WDR11: variants seen among roughly 807,000 people sequenced by gnomAD.
WDR11 encodes WD repeat domain 11, also known as WD repeat-containing protein 11.
WDR11 carries 83 observed loss-of-function variants against 151.2 expected under a neutral mutation model. The observed-to-expected ratio is 0.55, with a 90% CI of 0.46 to 0.66. WDR11 has a LOEUF of 0.66. WDR11 is among the 30% of genes least tolerant of loss of function. WDR11 has a pLI of 0.00. For missense variants in WDR11, 1,301 were observed against 1,480.9 expected (o/e 0.88, Z 1.99); for synonymous variants, 484 against 533.1 (o/e 0.91, Z 1.27).
At chr10:120,882,390 C>A (rs1436731040) in intron 13 of WDR11, among the ~76,000 whole-genome samples, 2 of 151,630 alleles carry the variant, frequency 1.3e-5, no homozygotes, top group East Asian at 3.8e-4. Flanking sequence ...ACTGACCTTG[C>A]AGAACGTGTT....
intron 2 of WDR11, among the ~76,000 whole-genome samples, chr10:120,856,703 C>T (rs1845960196): frequency 6.6e-6 from 1 of 151,206 alleles, no homozygotes; most frequent in Non-Finnish European, 1.5e-5. Flanking sequence ...TTTCCTTAAC[C>T]TTGGTTTTCA....
At chr10:120,876,362 T>G (rs1370042146) in intron 11 of WDR11, among the ~76,000 whole-genome samples, 1 of 152,152 alleles carries the variant, frequency 6.6e-6, no homozygotes, top group African/African-American at 2.4e-5. Flanking sequence ...TTCAAGTGCA[T>G]TGTTGTGTGG....
Position 120,904,076 on chromosome 10 carries a change from G to A in WDR11, c.2961G>A (p.Gln987=). The change falls in exon 24 of 29, where the codon CAG becomes CAA. Residue 987 remains glutamine (Q), a synonymous_variant. Transcript: ENST00000263461. ...QKFQLERVNL[Q]EVKRSTYDHT... is the part of the protein sequence containing the mutation. The stretch of plus-strand genomic sequence containing the variant: ...TTCAGCTAGAAAGGGTTAATCTGCA[G>A]GAAGTGAAACGGTCAACTTATGATC... 6.2e-7 allele frequency: 1 copy of A among 1,613,362 alleles called. No individual in the cohort carries two copies. Among genetic ancestry groups the A allele is most frequent in the Non-Finnish European group, 8.5e-7 (1 of 1,179,570 alleles).
chr10:120,894,097 A>G (rs4752473), intron 19 of WDR11, among the ~76,000 whole-genome samples: 55,195 of 150,152 alleles, frequency 0.37, 10,068 homozygotes, highest in Admixed American at 0.43. Context: ...GCCCATGCCT[A>G]TGTCCTGAAT....
chr10:120,900,389 T>C (rs1847771915), intron 20 of WDR11, among the ~76,000 whole-genome samples: 1 of 152,092 alleles, frequency 6.6e-6, no homozygotes, highest in South Asian at 2.1e-4. Context: ...GGTCTGAACA[T>C]GGATGTGTCG....
Position 120,860,197 on chromosome 10 carries a change from C to T in WDR11, c.441C>T (p.Asp147=). The T allele has an allele frequency of 6.2e-7, 1 of 1,614,188 alleles. No individual in the cohort carries two copies. Among genetic ancestry groups the T allele is most frequent in the Non-Finnish European group, 8.5e-7 (1 of 1,180,040 alleles). ...ATTACATTGTGCTCTGGAATGCCGA[C>T]ACTGGCACCAAACTATGGAAGAAGA... is the stretch of plus-strand genomic sequence containing the variant. ...PPNYIVLWNA[D]TGTKLWKKSY... Residue 147 remains aspartate (D), a synonymous_variant, in exon 4 of 29, where the codon GAC becomes GAT. Transcript: ENST00000263461.
intron 2 of WDR11, 30 bp downstream of exon 2, chr10:120,852,665 T>A: frequency 1.3e-5 from 21 of 1,571,814 alleles, no homozygotes; most frequent in Non-Finnish European, 1.8e-5. Context: ...GACGCTAACA[T>A]GTTGTCTAGT....
In WDR11 at chr10:120,873,923, A is replaced by G; in HGVS notation, c.1556A>G (p.Lys519Arg). ...KELSIHSCEV[K>R]GIEWTSLTSF... is the part of the protein sequence containing the mutation. The stretch of plus-strand genomic sequence containing the variant: ...TTAAGCATCCACTCATGTGAAGTCA[A>G]GTAAGTATGTCATTGTGATGATGAC... Residue 519 changes from lysine to arginine, a missense_variant and splice_region_variant, in exon 11 of 29, where the codon AAG (lysine) becomes AGG (arginine). Lys to Arg is a conservative substitution (Grantham distance 26). Coordinates refer to ENST00000263461, the MANE Select transcript of WDR11 (RefSeq NM_018117.12). 1.2e-6 allele frequency: 2 copies of G among 1,603,254 alleles called. No homozygotes were observed. Among genetic ancestry groups the G allele is most frequent in the Non-Finnish European group, 1.7e-6 (2 of 1,170,342 alleles).
intron 24 of WDR11, 65 bp downstream of exon 24, chr10:120,904,207 A>T (rs1847947759): frequency 8.4e-7 from 1 of 1,194,924 alleles, no homozygotes; most frequent in Non-Finnish European, 1.2e-6. Context: ...TTTCAGAGCA[A>T]TATATCTGTA....
At position 120,901,117 on chromosome 10, in the gene WDR11, A is replaced by T; in HGVS notation, c.2687+19A>T. On this transcript the variant is annotated intron_variant, in intron 21 of 28. Transcript: ENST00000263461. Reference sequence around the variant, plus strand: ...TGTCTAAGTAAGCACTCCATGTTTCATTAGAAGATAGGAATATGAGAAAGA... The same window carrying T: ...TGTCTAAGTAAGCACTCCATGTTTCTTTAGAAGATAGGAATATGAGAAAGA... 6.4e-7 allele frequency: 1 copy of T among 1,573,580 alleles called. No individual in the cohort carries two copies. The highest frequency in any genetic ancestry group is 2.2e-5 in the East Asian group (1 of 44,580).
Position 120,851,417 on chromosome 10 carries a change from C to G in WDR11, c.-4C>G, listed in dbSNP as rs200683907. ...AGCGCCCAGGTCCTGGGCTGGCCGC[C>G]GGGATGTTGCCCTACACAGTGAACT... On this transcript the variant is annotated 5_prime_UTR_variant, in exon 1 of 29. Transcript: ENST00000263461. 4 of 1,608,812 alleles carry G rather than the reference C, an allele frequency of 2.5e-6. No homozygotes were observed. The highest frequency in any genetic ancestry group is 3.4e-6 in the Non-Finnish European group (4 of 1,178,586).
intron 28 of WDR11, chr10:120,907,999 G>C (rs918551284): frequency 1.3e-5 from 2 of 159,410 alleles, no homozygotes; most frequent in Non-Finnish European, 2.8e-5. Context: ...CATGTACCTA[G>C]TCACTGGGAA....
In WDR11 at chr10:120,885,935, T is replaced by A; in HGVS notation, c.1970T>A (p.Ile657Asn). 1.2e-6 allele frequency: 2 copies of A among 1,613,440 alleles called. No individual in the cohort carries two copies. The highest frequency in any genetic ancestry group is 1.7e-6 in the Non-Finnish European group (2 of 1,179,634). Residue 657 changes from isoleucine to asparagine, a missense_variant, in exon 15 of 29, where the codon ATC becomes AAC. Transcript: ENST00000263461. ...CTGAGTATTGTTGAATCATCTGTGATCAGGTACAGTACAGTGTTTCTTGAC... is the reference window on the plus strand; with the variant it reads ...CTGAGTATTGTTGAATCATCTGTGAACAGGTACAGTACAGTGTTTCTTGAC... ...TELSIVESSV[I>N]SLLQEAESKS...
At chr10:120,856,546 G>T (rs1023821658) in intron 2 of WDR11, among the ~76,000 whole-genome samples, 1 of 130,140 alleles carries the variant, frequency 7.7e-6, no homozygotes, top group Non-Finnish European at 1.5e-5. Flanking sequence ...CTGCACTCCA[G>T]CCTCGGCAAC....
intron 18 of WDR11, 88 bp from the exon 19 acceptor site, chr10:120,890,628 C>T (rs1040789808): frequency 1.1e-5 from 17 of 1,537,842 alleles, no homozygotes; most frequent in Non-Finnish European, 1.5e-5. Context: ...GGGCCTTTGC[C>T]ACAGACTGTC....
intron 9 of WDR11, chr10:120,868,681 A>G (rs889081473): frequency 6.6e-6 from 1 of 152,188 alleles, no homozygotes; most frequent in Non-Finnish European, 1.5e-5. Flanking sequence ...GAAGAGCCCA[A>G]GTGTGACCCG....
chr10:120,861,271 A>G (rs1846128820), intron 4 of WDR11, among the ~76,000 whole-genome samples: 1 of 152,210 alleles, frequency 6.6e-6, no homozygotes, highest in African/African-American at 2.4e-5. Context: ...AGAGAAAGGC[A>G]GACAAAATTG....
At chr10:120,875,122 A>G (rs1239095881) in intron 11 of WDR11, among the ~76,000 whole-genome samples, 1 of 152,182 alleles carries the variant, frequency 6.6e-6, no homozygotes, top group African/African-American at 2.4e-5. Context: ...AGTTTCATCC[A>G]TGTCCCTGCA....
At chr10:120,888,646 A>G (rs1256388569) in intron 16 of WDR11, among the ~76,000 whole-genome samples, 4 of 152,220 alleles carry the variant, frequency 2.6e-5, no homozygotes, top group Non-Finnish European at 2.9e-5. Flanking sequence ...CCTTTTTTCA[A>G]TAGAAAAATC....
Sources: gnomAD v4.1 joint callset for allele counts (sites outside exome capture counted in the v4.1 genomes callset) on GRCh38, gnomAD v4.1.1 for gene constraint, MANE v1.5 for transcripts, NCBI Gene and HGNC (gene_info 2026-07-23, HGNC 2026-07-21) for gene names.